The following PCLO variants were observed in gnomAD, a reference collection of about 807,000 sequenced individuals.
The protein encoded by PCLO is protein piccolo.
A neutral mutation model predicts 427.5 loss-of-function variants in PCLO; 82 were observed. The ratio of observed to expected loss-of-function variants is 0.19; its 90% confidence interval spans 0.16 to 0.23. The LOEUF (loss-of-function observed/expected upper bound fraction) is 0.23, where lower values mean the gene tolerates loss of function less well. Among genes scored for constraint, PCLO ranks in the 10% least tolerant of loss-of-function variants. PCLO has a pLI of 1.00. For missense variants in PCLO, 6,239 were observed against 6,115.9 expected, an observed-to-expected ratio of 1.02 and a Z score of -0.67; for synonymous variants, 2,357 against 2,155.4, an observed-to-expected ratio of 1.09 and a Z score of -2.59.
At chr7:82,799,034 G>A (rs1298340404) in intron 22 of PCLO, among the ~76,000 whole-genome samples, 1 of 152,108 alleles carries the variant, frequency 6.6e-6, no homozygotes, top group Non-Finnish European at 1.5e-5. Context: ...TTTTGTGTGG[G>A]ACTGATATGA....
chr7:82,954,734 C>T lies in PCLO; in HGVS notation c.6219G>A (p.Gln2073=). ...GGCTAGATCCAGGTGTTAATTGCATCTGTTGCCTCTTCATAAGTTCTTCAT... is the reference window on the plus strand; with the variant it reads ...GGCTAGATCCAGGTGTTAATTGCATTTGTTGCCTCTTCATAAGTTCTTCAT... ...AAYEELMKRQ[Q]MQLTPGSSPT... Residue 2073 remains glutamine (Q), a synonymous_variant, in exon 5 of 25, where the codon CAG becomes CAA. Coordinates refer to ENST00000333891, the MANE Select transcript of PCLO (RefSeq NM_033026.6). 1 of 1,613,842 alleles carries T rather than the reference C, an allele frequency of 6.2e-7. No individual in the cohort carries two copies. Among genetic ancestry groups the T allele is most frequent in the Non-Finnish European group, 8.5e-7 (1 of 1,179,834 alleles).
At chr7:83,094,501 C>T (rs1790481885) in intron 3 of PCLO, among the ~76,000 whole-genome samples, 1 of 152,168 alleles carries the variant, frequency 6.6e-6, no homozygotes, top group Non-Finnish European at 1.5e-5. Context: ...GCCACTGTGT[C>T]TGGCCTAGGG....
intron 6 of PCLO, among the ~76,000 whole-genome samples, chr7:82,921,076 T>C (rs1794584186): frequency 6.6e-6 from 1 of 151,886 alleles, no homozygotes; most frequent in Admixed American, 6.6e-5. Context: ...ATCTACACTT[T>C]GCCCACAAAT....
intron 8 of PCLO, among the ~76,000 whole-genome samples, chr7:82,904,780 T>C (rs1794144518): frequency 6.6e-6 from 1 of 152,008 alleles, no homozygotes; most frequent in Admixed American, 6.6e-5. Context: ...TTTTATTTTA[T>C]AGTAGAAGGA....
rs116323105 is a variant in PCLO, at chr7:83,126,978, A to G, written c.3300+7272T>C. The stretch of plus-strand genomic sequence containing the variant: ...TTAACAAAGTAATATGGAAGTTTCC[A>G]TGAAATTTTAAAACCCATTTACCTG... On this transcript the variant is annotated intron_variant, in intron 3 of 24. Transcript: ENST00000333891. Among the ~76,000 whole-genome samples, 1,181 of 152,272 alleles carry G rather than the reference A, an allele frequency of 7.8e-3. 22 individuals are homozygous for G. The highest frequency in any genetic ancestry group is 0.026 in the African/African-American group (1,068 of 41,586).
At chr7:83,153,227 A>G (rs899294183) in intron 2 of PCLO, among the ~76,000 whole-genome samples, 3 of 150,420 alleles carry the variant, frequency 2.0e-5, no homozygotes, top group Non-Finnish European at 3.0e-5. Context: ...ATGTATATGT[A>G]TATATGTGTA....
chr7:82,768,822 A>G (rs757726355), intron 22 of PCLO, among the ~76,000 whole-genome samples: 2 of 152,158 alleles, frequency 1.3e-5, no homozygotes, highest in African/African-American at 2.4e-5. Flanking sequence ...TTTGAAAAAT[A>G]TGTGTATGTG....
Position 83,122,195 on chromosome 7 carries a change from G to A in PCLO, c.3300+12055C>T, listed in dbSNP as rs554676824. Reference sequence around the variant, plus strand: ...AGCCATATAAAACAGACCCACAGCTGATGTACTGAATGAAAAAAATTAAAA... The same window carrying A: ...AGCCATATAAAACAGACCCACAGCTAATGTACTGAATGAAAAAAATTAAAA... On this transcript the variant is annotated intron_variant, in intron 3 of 24. Coordinates refer to ENST00000333891, the MANE Select transcript of PCLO (RefSeq NM_033026.6). Among the ~76,000 whole-genome samples, 24 of 150,818 alleles carry A rather than the reference G, an allele frequency of 1.6e-4. No homozygotes were observed. The East Asian group carries it at 4.5e-3, about 28-fold the overall frequency.
At chr7:82,928,789 T>C (rs1196281368) in intron 6 of PCLO, among the ~76,000 whole-genome samples, 1 of 152,148 alleles carries the variant, frequency 6.6e-6, no homozygotes. Context: ...TAATTGCTCA[T>C]CCATACCACA....
At chr7:82,940,568 G>A (rs1795058153) in intron 6 of PCLO, among the ~76,000 whole-genome samples, 3 of 152,010 alleles carry the variant, frequency 2.0e-5, no homozygotes, top group Admixed American at 1.3e-4. Flanking sequence ...AGGGAATGGC[G>A]AGGATAATCA....
intron 3 of PCLO, among the ~76,000 whole-genome samples, chr7:83,060,205 C>T (rs969279805): frequency 6.6e-5 from 10 of 152,052 alleles, no homozygotes; most frequent in African/African-American, 2.4e-4. Context: ...AATGGTCAGA[C>T]CTGAGCTTCC....
chr7:82,783,603 T>C (rs950921209), intron 22 of PCLO, among the ~76,000 whole-genome samples: 1 of 152,110 alleles, frequency 6.6e-6, no homozygotes, highest in Non-Finnish European at 1.5e-5. Flanking sequence ...GCCTGGGCGA[T>C]AGAGCGAGAC....
Position 82,758,567 on chromosome 7 carries a change from A to C in PCLO, c.*8T>G. On this transcript the variant is annotated 3_prime_UTR_variant, in exon 25 of 25. Coordinates refer to ENST00000333891, the MANE Select transcript of PCLO (RefSeq NM_033026.6). ...AGCAGTTTCTATACCCTGAGAAGAC[A>C]TGTTTCTTCAATGCGTTTGAGTAGG... 3.1e-6 allele frequency: 5 copies of C among 1,607,128 alleles called. No homozygotes were observed. Among genetic ancestry groups the C allele is most frequent in the Non-Finnish European group, 4.2e-6 (5 of 1,176,784 alleles).
rs1192261189 is a variant in PCLO at position 82,879,920 on chromosome 7, ATAAAT to A, written c.13529-463_13529-459del. On this transcript the variant is annotated intron_variant, in intron 9 of 24. Transcript: ENST00000333891. ...TAAAGTGAAAACATGATCATAATTT[ATAAAT>A]TATTTATTTTTCAGCCTTAATTAAC... The A allele has an allele frequency of 2.1e-5, 9 of 421,362 alleles. No individual in the cohort carries two copies. The Admixed American group carries it at 2.7e-4, about 12-fold the overall frequency. 26.1% of individuals were successfully genotyped at this position (421,362 alleles called of 1,614,324 possible). A position where few individuals can be genotyped will look rare whatever the true frequency, so the allele number is the denominator to read the frequency against.
In PCLO at chr7:82,953,265, G is replaced by A. The variant is rs1488508493; in HGVS notation, c.7688C>T (p.Pro2563Leu). The A allele has an allele frequency of 3.1e-6, 5 of 1,613,750 alleles. 1 individual carries two copies. The South Asian group carries it at 4.4e-5, about 14-fold the overall frequency. Reference protein sequence around the residue: ...KLPSPTSPLSPHSNKSSPRFS... With the variant: ...KLPSPTSPLSLHSNKSSPRFS... ...TCTTGGTGAAGACTTGTTGGAGTGTGGGGAAAGTGGGGAGGTAGGGGAAGG... is the reference window on the plus strand; with the variant it reads ...TCTTGGTGAAGACTTGTTGGAGTGTAGGGAAAGTGGGGAGGTAGGGGAAGG... The change falls in exon 5 of 25, where the codon CCA becomes CTA. Residue 2563 changes from proline to leucine, a missense_variant. Physicochemically the swap from Pro to Leu is moderately conservative, Grantham distance 98. Coordinates refer to ENST00000333891, the MANE Select transcript of PCLO (RefSeq NM_033026.6).
chr7:82,760,612 A>T, intron 24 of PCLO, 27 bp downstream of exon 24: 1 of 1,468,336 alleles, frequency 6.8e-7, no homozygotes, highest in Non-Finnish European at 9.2e-7. Flanking sequence ...AGAAGTTTCA[A>T]ATATGAACTA....
intron 1 of PCLO, among the ~76,000 whole-genome samples, chr7:83,160,476 T>C (rs548573235): frequency 6.6e-6 from 1 of 152,250 alleles, no homozygotes; most frequent in East Asian, 1.9e-4. Context: ...AAATAACTTT[T>C]AAAAAGTTAT....
intron 3 of PCLO, among the ~76,000 whole-genome samples, chr7:83,098,744 C>T (rs1790658918): frequency 6.6e-6 from 1 of 152,098 alleles, no homozygotes; most frequent in Admixed American, 6.6e-5. Context: ...CTCTTTTATA[C>T]TCAAGGGGAA....
chr7:82,820,859 G>T, intron 20 of PCLO: 1 of 1,231,048 alleles, frequency 8.1e-7, no homozygotes, highest in Admixed American at 4.2e-5. Flanking sequence ...TATGAATATT[G>T]TTAATCTATT....
Sources: gnomAD v4.1 joint callset for allele counts (sites outside exome capture counted in the v4.1 genomes callset) on GRCh38, gnomAD v4.1.1 for gene constraint, MANE v1.5 for transcripts, NCBI Gene and HGNC (gene_info 2026-07-23, HGNC 2026-07-21) for gene names.